Variants in NXPE2 observed in about 807,000 individuals in gnomAD.
NXPE2 encodes the protein neurexophilin and PC-esterase domain family member 2.
Under a neutral mutation model 34.4 loss-of-function variants are expected in NXPE2, and 34 were observed. The ratio of observed to expected loss-of-function variants is 0.99; its 90% CI spans 0.75 to 1.31. The LOEUF (loss-of-function observed/expected upper bound fraction) is 1.31. Ranked by LOEUF, NXPE2 falls within the 40% of genes most tolerant of loss-of-function variation. NXPE2 has a pLI of 0.00. For missense variants in NXPE2, 649 were observed against 672.5 expected, an observed-to-expected ratio of 0.97 and a Z score of 0.39; for synonymous variants, 235 against 231.3, an observed-to-expected ratio of 1.02 and a Z score of -0.15.
the NXPE2 span, among the ~76,000 whole-genome samples, chr11:114,561,981 A>G: frequency 4.9e-4 from 75 of 152,308 alleles, no homozygotes; most frequent in Non-Finnish European, 9.4e-4. Flanking sequence ...TTTTAAATTT[A>G]ACAAATATCT....
At chr11:114,710,840 A>C (rs1396966554), downstream of NXPE2, among the ~76,000 whole-genome samples, 2 of 152,216 alleles carry the variant, frequency 1.3e-5, no homozygotes, top group East Asian at 3.9e-4. Flanking sequence ...AAACCCTAAA[A>C]AGAAGGAATA....
At chr11:114,674,534 T>C (rs1950836023), upstream of NXPE2, among the ~76,000 whole-genome samples, 1 of 148,102 alleles carries the variant, frequency 6.8e-6, no homozygotes, top group Admixed American at 6.7e-5. Flanking sequence ...AAACTTGTAG[T>C]AGATAACATG....
intron 1 of NXPE2, 62 bp downstream of exon 1, chr11:114,678,663 G>C: frequency 7.5e-7 from 1 of 1,325,898 alleles, no homozygotes; most frequent in Admixed American, 2.0e-5. Context: ...GAGAACTATA[G>C]ACCATTTGGT....
At chr11:114,515,746 A>G in the NXPE2 span, among the ~76,000 whole-genome samples, 1 of 98,600 alleles carries the variant, frequency 1.0e-5, no homozygotes, top group Admixed American at 1.0e-4. Flanking sequence ...GTTAGAAAGT[A>G]AGTATGAAAG....
the NXPE2 span, among the ~76,000 whole-genome samples, chr11:114,538,286 G>A: frequency 1.3e-5 from 2 of 152,148 alleles, no homozygotes; most frequent in Non-Finnish European, 2.9e-5. Context: ...ATTCAAGATG[G>A]ATTAAAGACT....
chr11:114,668,564 G>A, the NXPE2 span, among the ~76,000 whole-genome samples: 1 of 152,030 alleles, frequency 6.6e-6, no homozygotes, highest in East Asian at 1.9e-4. Flanking sequence ...AACTCAGTTA[G>A]AGTTCTCCAG....
At chr11:114,522,130 A>T in the NXPE2 span, 1 of 1,614,102 alleles carries the variant, frequency 6.2e-7, no homozygotes, top group East Asian at 2.2e-5. Context: ...GAATATAACC[A>T]TGGAAGTCTC....
chr11:114,736,396 G>A, the NXPE2 span, among the ~76,000 whole-genome samples: 2 of 152,132 alleles, frequency 1.3e-5, no homozygotes, highest in Non-Finnish European at 2.9e-5. Context: ...CTCTTTCTCA[G>A]GGATGTTCCT....
chr11:114,491,795 G>T, the NXPE2 span, among the ~76,000 whole-genome samples: 1 of 152,186 alleles, frequency 6.6e-6, no homozygotes, highest in Non-Finnish European at 1.5e-5. Flanking sequence ...TTAAGAAAAT[G>T]TGGCACAGAT....
At chr11:114,466,053 G>A in the NXPE2 span, among the ~76,000 whole-genome samples, 1 of 152,044 alleles carries the variant, frequency 6.6e-6, no homozygotes, top group African/African-American at 2.4e-5. Flanking sequence ...TTAGTTTTCA[G>A]GCGTATAGGA....
the NXPE2 span, among the ~76,000 whole-genome samples, chr11:114,726,719 C>T: frequency 6.6e-6 from 1 of 152,052 alleles, no homozygotes; most frequent in Non-Finnish European, 1.5e-5. Flanking sequence ...ACTCTTTCAA[C>T]ACTTTGCTTA....
chr11:114,749,381 C>T, the NXPE2 span, among the ~76,000 whole-genome samples: 1 of 152,134 alleles, frequency 6.6e-6, no homozygotes, highest in Admixed American at 6.5e-5. Context: ...CAGGACCCAT[C>T]ACACATACCA....
At chr11:114,577,463 G>A in the NXPE2 span, among the ~76,000 whole-genome samples, 1 of 152,080 alleles carries the variant, frequency 6.6e-6, no homozygotes, top group Non-Finnish European at 1.5e-5. Flanking sequence ...CTGCTCGGGC[G>A]ATGGGTGCAT....
the NXPE2 span, among the ~76,000 whole-genome samples, chr11:114,729,612 G>A: frequency 6.6e-6 from 1 of 152,072 alleles, no homozygotes; most frequent in Non-Finnish European, 1.5e-5. Flanking sequence ...TCTGGTGTGA[G>A]ATAACATCTC....
At chr11:114,650,610 T>G in the NXPE2 span, among the ~76,000 whole-genome samples, 1 of 152,096 alleles carries the variant, frequency 6.6e-6, no homozygotes, top group Non-Finnish European at 1.5e-5. Context: ...GGTGGAAGAA[T>G]AAGACCTCTA....
the NXPE2 span, among the ~76,000 whole-genome samples, chr11:114,804,380 GTCTTA>G: frequency 6.6e-6 from 1 of 152,206 alleles, no homozygotes; most frequent in Admixed American, 6.5e-5. Context: ...ATGGTCTGCA[GTCTTA>G]TCTTTAAGGA....
chr11:114,639,073 G>T, the NXPE2 span, among the ~76,000 whole-genome samples: 1,554 of 152,178 alleles, frequency 0.01, 25 homozygotes, highest in African/African-American at 0.035. Flanking sequence ...CCCAGAGGTG[G>T]AGCCTACAGA....
chr11:114,490,890 C>T, the NXPE2 span, among the ~76,000 whole-genome samples: 35 of 152,100 alleles, frequency 2.3e-4, no homozygotes, highest in Non-Finnish European at 3.4e-4. Flanking sequence ...CGGCCGGGCG[C>T]GGTGGCTCAC....
chr11:114,778,687 T>G, the NXPE2 span, among the ~76,000 whole-genome samples: 1 of 152,108 alleles, frequency 6.6e-6, no homozygotes, highest in Non-Finnish European at 1.5e-5. Flanking sequence ...GAAGGTGACT[T>G]GACAGGGTCG....
Sources: gnomAD v4.1 joint callset for allele counts (sites outside exome capture counted in the v4.1 genomes callset) on GRCh38, gnomAD v4.1.1 for gene constraint, MANE v1.5 for transcripts, NCBI Gene and HGNC (gene_info 2026-07-23, HGNC 2026-07-21) for gene names.